Variants in FRMD5 observed in about 807,000 individuals in gnomAD.
The protein encoded by FRMD5 is FERM domain-containing protein 5.
Under a neutral mutation model 69.0 loss-of-function variants are expected in FRMD5, and 20 were observed. That is an observed-to-expected ratio of 0.29 (90% CI 0.20 to 0.42). The LOEUF is 0.42. Among genes scored for constraint, FRMD5 ranks in the 10% least tolerant of loss-of-function variants. FRMD5 has a pLI of 1.00. For missense variants in FRMD5, 595 were observed against 708.6 expected, an observed-to-expected ratio of 0.84 and a Z score of 1.82; for synonymous variants, 271 against 260.1, an observed-to-expected ratio of 1.04 and a Z score of -0.40.
chr15:44,175,656 G>A (rs1286651509), intron 1 of FRMD5, among the ~76,000 whole-genome samples: 1 of 152,024 alleles, frequency 6.6e-6, no homozygotes, highest in East Asian at 1.9e-4. Context: ...ATAAAAACCT[G>A]TATGTGAATG....
chr15:44,117,402 AAAGACT>A (rs1410490411), intron 1 of FRMD5, among the ~76,000 whole-genome samples: 1 of 152,206 alleles, frequency 6.6e-6, no homozygotes, highest in Non-Finnish European at 1.5e-5. Context: ...AATAAGCCAA[AAAGACT>A]AAGTCTGCCC....
At chr15:43,901,380 G>A (rs2089042150) in intron 7 of FRMD5, among the ~76,000 whole-genome samples, 1 of 152,130 alleles carries the variant, frequency 6.6e-6, no homozygotes, top group Admixed American at 6.5e-5. Context: ...CTCCAGTTAG[G>A]AAGAAAAGGT....
chr15:43,982,735 G>GT (rs1396534702), intron 1 of FRMD5, among the ~76,000 whole-genome samples: 1 of 151,890 alleles, frequency 6.6e-6, no homozygotes, highest in East Asian at 1.9e-4. Context: ...TATTTTTAAA[G>GT]TTTTTTTTCT....
intron 1 of FRMD5, among the ~76,000 whole-genome samples, chr15:44,126,823 T>G (rs1351338049): frequency 1.3e-5 from 2 of 152,082 alleles, no homozygotes; most frequent in African/African-American, 4.8e-5. Context: ...CTTTGGAAAT[T>G]AGTCTCCTTC....
chr15:43,875,803 A>AGTTTTTTTTTTTTTTTTTTTTTTTTTTT (rs2088328565), intron 13 of FRMD5: 1 of 467,826 alleles, frequency 2.1e-6, no homozygotes, highest in Non-Finnish European at 3.5e-6. Flanking sequence ...TCCTGGGCCT[A>AGTTTTTTTTTTTTTTTTTTTTTTTTTTT]GTTTTTTTTT....
chr15:44,135,774 G>A (rs937884836), intron 1 of FRMD5, among the ~76,000 whole-genome samples: 1 of 144,112 alleles, frequency 6.9e-6, no homozygotes, highest in Admixed American at 7.1e-5. Context: ...GCAGTGAGCC[G>A]AGATCGCACT....
chr15:44,150,313 A>T (rs1162570835), intron 1 of FRMD5, among the ~76,000 whole-genome samples: 1 of 152,184 alleles, frequency 6.6e-6, no homozygotes, highest in Non-Finnish European at 1.5e-5. Flanking sequence ...CAAAGAGATT[A>T]TGCAAGAATA....
intron 1 of FRMD5, among the ~76,000 whole-genome samples, chr15:44,044,142 T>C (rs1466430256): frequency 6.6e-6 from 1 of 152,050 alleles, no homozygotes; most frequent in Non-Finnish European, 1.5e-5. Context: ...AAAGAAGACA[T>C]TTATGTGGCC....
chr15:44,005,699 T>A (rs2140190516), intron 1 of FRMD5, among the ~76,000 whole-genome samples: 1 of 152,084 alleles, frequency 6.6e-6, no homozygotes, highest in South Asian at 2.1e-4. Flanking sequence ...TGCTACACAC[T>A]TTTAAACAAC....
chr15:44,120,658 G>A (rs957541835), intron 1 of FRMD5, among the ~76,000 whole-genome samples: 1 of 150,826 alleles, frequency 6.6e-6, no homozygotes, highest in Non-Finnish European at 1.5e-5. Flanking sequence ...AAACAGCTGG[G>A]ACTACAGGCG....
At chr15:44,051,714 T>C (rs1040399433) in intron 1 of FRMD5, among the ~76,000 whole-genome samples, 1 of 152,168 alleles carries the variant, frequency 6.6e-6, no homozygotes, top group African/African-American at 2.4e-5. Flanking sequence ...TTTTTTATGA[T>C]CTTGACAGTT....
intron 1 of FRMD5, among the ~76,000 whole-genome samples, chr15:44,070,193 G>A (rs1893480162): frequency 6.6e-6 from 1 of 151,992 alleles, no homozygotes; most frequent in Non-Finnish European, 1.5e-5. Context: ...AGGAAACCAG[G>A]GCTGGGTGCA....
At chr15:43,924,373 T>TA (rs1555384242) in intron 1 of FRMD5, 64 bp from the exon 2 acceptor site, 23 of 1,193,562 alleles carry the variant, frequency 1.9e-5, no homozygotes, top group East Asian at 1.4e-4. Flanking sequence ...TTTTTTTTTT[T>TA]TATAGCCATT....
At chr15:44,042,263 C>T (rs1033595451) in intron 1 of FRMD5, among the ~76,000 whole-genome samples, 3 of 152,160 alleles carry the variant, frequency 2.0e-5, no homozygotes, top group African/African-American at 7.2e-5. Flanking sequence ...AGACCAACAA[C>T]AAGTTCTGAA....
At chr15:44,165,439 A>T (rs751969620) in intron 1 of FRMD5, among the ~76,000 whole-genome samples, 3 of 152,070 alleles carry the variant, frequency 2.0e-5, no homozygotes, top group Admixed American at 6.6e-5. Context: ...CAATCAATCA[A>T]TCAATAAAAT....
At chr15:44,019,763 G>GAAAAA (rs1555394936) in intron 1 of FRMD5, among the ~76,000 whole-genome samples, 1 of 135,696 alleles carries the variant, frequency 7.4e-6, no homozygotes, top group African/African-American at 2.8e-5. Flanking sequence ...AAAAAAAAAG[G>GAAAAA]AAAAGAAAAG....
intron 1 of FRMD5, among the ~76,000 whole-genome samples, chr15:44,009,505 C>G (rs1248563554): frequency 6.6e-6 from 1 of 152,128 alleles, no homozygotes; most frequent in East Asian, 1.9e-4. Context: ...CATGGAGAGA[C>G]TCTGCCTCTA....
intron 7 of FRMD5, among the ~76,000 whole-genome samples, chr15:43,894,662 G>C (rs1167800812): frequency 6.6e-6 from 1 of 151,344 alleles, no homozygotes; most frequent in African/African-American, 2.4e-5. Context: ...AGGGAAGGGA[G>C]TTGGGAGGGA....
chr15:44,159,796 C>T (rs2077584490), intron 1 of FRMD5, among the ~76,000 whole-genome samples: 2 of 152,150 alleles, frequency 1.3e-5, no homozygotes, highest in African/African-American at 4.8e-5. Context: ...TGCTTCAAGG[C>T]CCAGGCAACA....
Sources: allele counts gnomAD v4.1 joint callset (sites outside exome capture counted in the v4.1 genomes callset), GRCh38; gene constraint gnomAD v4.1.1; transcripts MANE v1.5; gene names NCBI Gene and HGNC (gene_info 2026-07-23, HGNC 2026-07-21).